Variants in PALLD observed in about 807,000 individuals in gnomAD.
PALLD encodes the protein palladin, cytoskeletal associated protein, also known as palladin.
A neutral mutation model predicts 123.5 loss-of-function variants in PALLD; 61 were observed. That is an observed-to-expected ratio of 0.49 (90% CI 0.40 to 0.61). PALLD has a LOEUF of 0.61. Ranked by LOEUF, PALLD falls within the 20% of genes least tolerant of loss-of-function variation. The probability of loss-of-function intolerance (pLI) is 0.00; values close to 1 mark genes in which losing one functional copy is unlikely to be tolerated. For synonymous variants in PALLD, 465 were observed against 496.4 expected (o/e 0.94, Z 0.84); for missense variants, 1,273 against 1,377.0 (o/e 0.92, Z 1.20).
intron 2 of PALLD, among the ~76,000 whole-genome samples, chr4:168,572,091 T>C (rs1769051168): frequency 6.6e-6 from 1 of 152,092 alleles, no homozygotes; most frequent in South Asian, 2.1e-4. Flanking sequence ...AGAAAGGCCT[T>C]GCTTAGTAAG....
intron 2 of PALLD, among the ~76,000 whole-genome samples, chr4:168,519,076 C>G (rs1763275692): frequency 6.6e-6 from 1 of 152,186 alleles, no homozygotes; most frequent in Non-Finnish European, 1.5e-5. Flanking sequence ...ATTACATGGA[C>G]AGATGTTTGC....
intron 1 of PALLD, chr4:168,504,967 T>G (rs966393765): frequency 1.3e-5 from 2 of 152,226 alleles, no homozygotes; most frequent in Non-Finnish European, 2.9e-5. Flanking sequence ...CCAAGAGCAC[T>G]GTTTGACAGA....
intron 4 of PALLD, among the ~76,000 whole-genome samples, chr4:168,682,441 G>A (rs1159847321): frequency 2.6e-5 from 4 of 152,234 alleles, no homozygotes; most frequent in East Asian, 3.9e-4. Flanking sequence ...ACAAAGCTGG[G>A]CCTAGAAATC....
intron 2 of PALLD, among the ~76,000 whole-genome samples, chr4:168,620,925 G>A (rs1164708973): frequency 6.6e-6 from 1 of 152,176 alleles, no homozygotes; most frequent in Non-Finnish European, 1.5e-5. Context: ...TCTCAAAGTA[G>A]GCTTTGAAGT....
chr4:168,656,628 A>AT (rs1336524287), intron 2 of PALLD, among the ~76,000 whole-genome samples: 1 of 152,192 alleles, frequency 6.6e-6, no homozygotes, highest in Non-Finnish European at 1.5e-5. Context: ...TATTCCTATA[A>AT]TTATCAATGG....
intron 10 of PALLD, among the ~76,000 whole-genome samples, chr4:168,735,413 A>T (rs1205220933): frequency 6.6e-6 from 1 of 152,230 alleles, no homozygotes; most frequent in Admixed American, 6.5e-5. Flanking sequence ...AACAGCTTTA[A>T]GAAAAGAAAA....
intron 2 of PALLD, among the ~76,000 whole-genome samples, chr4:168,571,933 T>G (rs766229613): frequency 7.2e-5 from 11 of 152,118 alleles, no homozygotes; most frequent in Admixed American, 3.3e-4. Context: ...ACAGCATTTT[T>G]TATCAGTGCC....
At chr4:168,787,158 A>G (rs1004951896) in intron 10 of PALLD, among the ~76,000 whole-genome samples, 1 of 152,192 alleles carries the variant, frequency 6.6e-6, no homozygotes, top group Non-Finnish European at 1.5e-5. Flanking sequence ...CAGGGAGTGA[A>G]AGATGTCTGC....
Position 168,681,355 on chromosome 4 carries a change from A to G in PALLD, c.1111A>G (p.Ser371Gly), listed in dbSNP as rs777840271. Residue 371 changes from serine (S) to glycine (G), a missense_variant, in exon 4 of 22, where the codon AGT becomes GGT. Coordinates refer to ENST00000505667, the MANE Select transcript of PALLD (RefSeq NM_001166108.2). ...AGGTGCCAGTTCAACAGATTCTGAC[A>G]GTGAAAGTTTAGCTTTCAAATCAAG... ...IEGASSTDSD[S>G]ESLAFKSRAG... is the part of the protein sequence containing the mutation. The G allele has an allele frequency of 1.2e-6, 2 of 1,608,166 alleles. No individual in the cohort carries two copies. The highest frequency in any genetic ancestry group is 1.7e-6 in the Non-Finnish European group (2 of 1,174,780).
intron 10 of PALLD, among the ~76,000 whole-genome samples, chr4:168,797,854 C>T (rs544328024): frequency 7.9e-5 from 12 of 151,172 alleles, no homozygotes; most frequent in South Asian, 4.2e-4. Context: ...TACAGCTGCT[C>T]GCTTGCTCGT....
chr4:168,805,459 G>A (rs936280721), intron 10 of PALLD, among the ~76,000 whole-genome samples: 5 of 152,172 alleles, frequency 3.3e-5, no homozygotes, highest in African/African-American at 7.2e-5. Context: ...AAGGCCCAAA[G>A]CAGCCTTTCC....
intron 10 of PALLD, among the ~76,000 whole-genome samples, chr4:168,792,359 C>G (rs1737651256): frequency 6.6e-6 from 1 of 151,990 alleles, no homozygotes. Context: ...TTACATGACA[C>G]CTAATGAGTT....
At chr4:168,878,886 T>G (rs1752230443) in intron 10 of PALLD, among the ~76,000 whole-genome samples, 1 of 152,186 alleles carries the variant, frequency 6.6e-6, no homozygotes, top group African/African-American at 2.4e-5. Flanking sequence ...ACTATGTGTT[T>G]TATTATAATA....
chr4:168,551,065 A>G (rs1014889224), intron 2 of PALLD, among the ~76,000 whole-genome samples: 1 of 152,222 alleles, frequency 6.6e-6, no homozygotes, highest in African/African-American at 2.4e-5. Context: ...CCCTTGTTAC[A>G]TTATAATTTT....
At chr4:168,698,490 A>G (rs1783366626) in intron 8 of PALLD, among the ~76,000 whole-genome samples, 1 of 152,172 alleles carries the variant, frequency 6.6e-6, no homozygotes, top group Non-Finnish European at 1.5e-5. Flanking sequence ...TCATGTACCC[A>G]GTAAATATAT....
chr4:168,504,392 A>G (rs1407993780), intron 1 of PALLD, among the ~76,000 whole-genome samples: 3 of 152,252 alleles, frequency 2.0e-5, no homozygotes, highest in Admixed American at 6.5e-5. Context: ...TCAGGAGTTC[A>G]AGACCAGCCT....
rs567146453 is a variant in PALLD at position 168,583,239 on chromosome 4, C to G, written c.908+70827C>G. ...AAACAGTGAAATCTAAGATATTGTT[C>G]CTACAATATTTTGCTATGTGTATGG... is the stretch of plus-strand genomic sequence containing the variant. On this transcript the variant is annotated intron_variant, in intron 2 of 21. Transcript: ENST00000505667. Among the ~76,000 whole-genome samples, 18 of 152,084 alleles carry G rather than the reference C, an allele frequency of 1.2e-4. No individual in the cohort carries two copies. The East Asian group carries it at 3.5e-3, about 29-fold the overall frequency.
At chr4:168,833,987 AAC>A (rs1328487970) in intron 10 of PALLD, among the ~76,000 whole-genome samples, 3 of 149,110 alleles carry the variant, frequency 2.0e-5, no homozygotes, top group Non-Finnish European at 4.4e-5. Flanking sequence ...CTAGATAATA[AAC>A]AGTTTTTCCC....
intron 2 of PALLD, among the ~76,000 whole-genome samples, chr4:168,552,836 C>T (rs930876388): frequency 1.3e-5 from 2 of 151,926 alleles, no homozygotes; most frequent in African/African-American, 2.4e-5. Flanking sequence ...CCACCATGAC[C>T]GGCTAATTTT....
Sources: allele counts gnomAD v4.1 joint callset (sites outside exome capture counted in the v4.1 genomes callset), GRCh38; gene constraint gnomAD v4.1.1; transcripts MANE v1.5; gene names NCBI Gene and HGNC (gene_info 2026-07-23, HGNC 2026-07-21).